BMPR1B: variants seen among roughly 807,000 people sequenced by gnomAD.
BMPR1B encodes bone morphogenetic protein receptor type 1B.
Under a neutral mutation model 59.1 loss-of-function variants are expected in BMPR1B, and 12 were observed. That is an observed-to-expected ratio of 0.20 (90% confidence interval 0.13 to 0.33). The LOEUF (loss-of-function observed/expected upper bound fraction) is 0.33, where lower values mean the gene tolerates loss of function less well. Ranked by LOEUF, BMPR1B falls within the 10% of genes least tolerant of loss-of-function variation. The probability of loss-of-function intolerance (pLI) is 1.00; values close to 1 mark genes in which losing one functional copy is unlikely to be tolerated. For missense variants in BMPR1B, 550 were observed against 610.9 expected (o/e 0.90, Z 1.05); for synonymous variants, 237 against 207.3 (o/e 1.14, Z -1.23).
In BMPR1B at chr4:94,823,212, A is replaced by T. The variant is rs373564280; in HGVS notation, c.-182-52619A>T. Among the ~76,000 whole-genome samples, 28 of 152,350 alleles carry T rather than the reference A, an allele frequency of 1.8e-4. No homozygotes were observed. In the South Asian group the frequency reaches 4.1e-3, roughly 23 times the overall value. On this transcript the variant is annotated intron_variant, in intron 1 of 12. Coordinates refer to ENST00000515059, the MANE Select transcript of BMPR1B (RefSeq NM_001203.3). ...ATATTCTAAATTAACCTCACCAAAG[A>T]GTGACAGAAGGTGTAAAAGAGTTCT...
chr4:95,056,600 A>G (rs936966461), intron 3 of BMPR1B, among the ~76,000 whole-genome samples: 7 of 151,946 alleles, frequency 4.6e-5, no homozygotes, highest in African/African-American at 1.7e-4. Context: ...TGCACGTTCC[A>G]CTCTCGCTGT....
At chr4:95,117,883 G>A (rs1560667215) in intron 6 of BMPR1B, among the ~76,000 whole-genome samples, 1 of 152,162 alleles carries the variant, frequency 6.6e-6, no homozygotes, top group African/African-American at 2.4e-5. Context: ...TGAGGAGGAT[G>A]TAGGAATTTA....
At chr4:95,000,098 T>C (rs1317450484) in intron 3 of BMPR1B, among the ~76,000 whole-genome samples, 1 of 152,298 alleles carries the variant, frequency 6.6e-6, no homozygotes, top group South Asian at 2.1e-4. Context: ...GTGTAAAGCT[T>C]CATGAACAAT....
intron 2 of BMPR1B, among the ~76,000 whole-genome samples, chr4:94,917,641 T>G (rs181231973): frequency 1.3e-5 from 2 of 152,330 alleles, no homozygotes; most frequent in Admixed American, 1.3e-4. Context: ...ATAACTTGTT[T>G]TTGATTTTAC....
At chr4:95,104,669 A>G in intron 4 of BMPR1B, 102 bp downstream of exon 4, 3 of 1,400,688 alleles carry the variant, frequency 2.1e-6, no homozygotes, top group South Asian at 1.2e-5. Context: ...TTTAGAGAAC[A>G]ATGCCTAACA....
chr4:94,973,615 G>C (rs932725998), intron 2 of BMPR1B, among the ~76,000 whole-genome samples: 1 of 152,124 alleles, frequency 6.6e-6, no homozygotes, highest in African/African-American at 2.4e-5. Context: ...GGGGCCATGG[G>C]TTGTTTAGGA....
At chr4:94,933,317 C>A (rs576515202) in intron 2 of BMPR1B, among the ~76,000 whole-genome samples, 19 of 152,080 alleles carry the variant, frequency 1.2e-4, no homozygotes, top group African/African-American at 4.6e-4. Context: ...TATTGTTGTA[C>A]ATTTTCATTG....
At chr4:95,116,421 G>GCGTGCACACACACACACACACA in intron 6 of BMPR1B, among the ~76,000 whole-genome samples, 4 of 123,198 alleles carry the variant, frequency 3.2e-5, no homozygotes, top group African/African-American at 1.4e-4. Flanking sequence ...TTCAGCGCGC[G>GCGTGCACACACACACACACACA]CACACACACA....
At chr4:95,037,001 C>T (rs1295904347) in intron 3 of BMPR1B, among the ~76,000 whole-genome samples, 2 of 152,082 alleles carry the variant, frequency 1.3e-5, no homozygotes, top group Admixed American at 1.3e-4. Flanking sequence ...GCTACTCCCA[C>T]CACCAACAGT....
chr4:94,990,679 G>T (rs1721678535), intron 2 of BMPR1B, among the ~76,000 whole-genome samples: 1 of 149,158 alleles, frequency 6.7e-6, no homozygotes. Context: ...ATGAGGTTTT[G>T]TTGTTGTTGT....
chr4:95,141,092 T>C (rs901365318), intron 10 of BMPR1B, among the ~76,000 whole-genome samples: 1 of 152,206 alleles, frequency 6.6e-6, no homozygotes, highest in Admixed American at 6.5e-5. Context: ...TGTGAGGCCA[T>C]CTACCTTTCT....
chr4:94,835,944 G>A (rs944727672), intron 1 of BMPR1B, among the ~76,000 whole-genome samples: 1 of 126,774 alleles, frequency 7.9e-6, no homozygotes, highest in Non-Finnish European at 1.6e-5. Flanking sequence ...AGAGTGTGAT[G>A]TTCCCCTTCC....
intron 1 of BMPR1B, among the ~76,000 whole-genome samples, chr4:94,768,184 T>C (rs1019781039): frequency 2.0e-5 from 3 of 152,138 alleles, no homozygotes; most frequent in African/African-American, 7.2e-5. Context: ...CATAAAGACA[T>C]TGAAAATTGC....
At chr4:94,812,594 A>T (rs1265064940) in intron 1 of BMPR1B, among the ~76,000 whole-genome samples, 1 of 152,184 alleles carries the variant, frequency 6.6e-6, no homozygotes, top group Non-Finnish European at 1.5e-5. Context: ...TCAATGAGAT[A>T]ATCAGATCTC....
intron 2 of BMPR1B, among the ~76,000 whole-genome samples, chr4:94,957,292 T>A (rs1470125752): frequency 6.6e-6 from 1 of 151,042 alleles, no homozygotes; most frequent in African/African-American, 2.4e-5. Flanking sequence ...GTTTCCACTT[T>A]ATGGACACAC....
chr4:94,957,054 C>A (rs1203161515), intron 2 of BMPR1B, among the ~76,000 whole-genome samples: 2 of 152,168 alleles, frequency 1.3e-5, no homozygotes, highest in African/African-American at 4.8e-5. Flanking sequence ...CTGGTTTATT[C>A]ATTTGGCAAA....
At chr4:94,810,413 TGGG>T (rs34338752) in intron 1 of BMPR1B, among the ~76,000 whole-genome samples, 1 of 152,118 alleles carries the variant, frequency 6.6e-6, no homozygotes, top group Admixed American at 6.6e-5. Context: ...TTCTATTTCT[TGGG>T]GGAGTATATA....
chr4:94,883,049 T>A (rs1727043128), intron 2 of BMPR1B, among the ~76,000 whole-genome samples: 1 of 151,628 alleles, frequency 6.6e-6, no homozygotes, highest in Non-Finnish European at 1.5e-5. Flanking sequence ...CTGCACCCAA[T>A]TCTCAGTGCA....
chr4:94,918,197 A>G (rs1241473525), intron 2 of BMPR1B, among the ~76,000 whole-genome samples: 1 of 152,036 alleles, frequency 6.6e-6, no homozygotes, highest in Non-Finnish European at 1.5e-5. Flanking sequence ...TTTCAATTAA[A>G]TTATGATGGA....
Sources: allele counts gnomAD v4.1 joint callset (sites outside exome capture counted in the v4.1 genomes callset), GRCh38; gene constraint gnomAD v4.1.1; transcripts MANE v1.5; gene names NCBI Gene and HGNC (gene_info 2026-07-23, HGNC 2026-07-21).